Variants in PALB2 observed in about 807,000 individuals in gnomAD.
The protein encoded by PALB2 is partner and localizer of BRCA2, also known as mutant partner and localizer of BRCA2.
PALB2 carries 82 observed loss-of-function variants against 107.4 expected under a neutral mutation model. The ratio of observed to expected loss-of-function variants is 0.76; its 90% CI spans 0.64 to 0.92. The LOEUF (loss-of-function observed/expected upper bound fraction) is 0.92, where lower values mean the gene tolerates loss of function less well. Among genes scored for constraint, PALB2 ranks in the 40% least tolerant of loss-of-function variants. The probability of loss-of-function intolerance (pLI) is 0.00; values close to 1 mark genes in which losing one functional copy is unlikely to be tolerated. For missense variants in PALB2, 1,374 were observed against 1,379.9 expected (o/e 1.00, Z 0.07); for synonymous variants, 489 against 496.8 (o/e 0.98, Z 0.21).
intron 12 of PALB2, among the ~76,000 whole-genome samples, chr16:23,605,194 C>T (rs1246112695): frequency 1.3e-5 from 2 of 152,148 alleles, no homozygotes; most frequent in Non-Finnish European, 2.9e-5. Context: ...CTGGTTCCCA[C>T]CCAACTTTGC....
intron 6 of PALB2, among the ~76,000 whole-genome samples, chr16:23,628,268 A>G (rs1364752433): frequency 6.6e-6 from 1 of 152,200 alleles, no homozygotes; most frequent in Non-Finnish European, 1.5e-5. Flanking sequence ...ACTCAAGAAT[A>G]AATTCCGAAA....
At chr16:23,638,534 C>T (rs1234316102) in intron 1 of PALB2, 12 of 461,642 alleles carry the variant, frequency 2.6e-5, no homozygotes, top group South Asian at 1.7e-4. Context: ...CTGCCATCCT[C>T]AGTCACTCAA....
intron 4 of PALB2, among the ~76,000 whole-genome samples, chr16:23,633,571 C>T (rs1287141747): frequency 6.6e-5 from 10 of 152,314 alleles, no homozygotes; most frequent in Admixed American, 2.0e-4. Context: ...TACAATGTAT[C>T]GTTGCTGCCC....
chr16:23,615,431 A>C (rs975735429), intron 10 of PALB2, among the ~76,000 whole-genome samples: 1 of 151,984 alleles, frequency 6.6e-6, no homozygotes, highest in African/African-American at 2.4e-5. Context: ...CACTGCCCCA[A>C]GTAGTTGGGA....
At position 23,635,838 on chromosome 16, in the gene PALB2, G is replaced by C. The variant is rs2142436719; in HGVS notation, c.708C>G (p.Phe236Leu). Residue 236 changes from phenylalanine to leucine, a missense_variant, in exon 4 of 13, where the codon TTC (phenylalanine) becomes TTG (leucine). By Grantham distance (22) the Phe-to-Leu change is conservative. Transcript: ENST00000261584. ...CCCTGGTGAAATTAGGTCTTCTTAGGAATGTATCAACACCTTTTTCTGGTT... is the reference window on the plus strand; with the variant it reads ...CCCTGGTGAAATTAGGTCTTCTTAGCAATGTATCAACACCTTTTTCTGGTT... ...TAQPEKGVDT[F>L]LRRPNFTRAT... 1.2e-6 allele frequency: 2 copies of C among 1,614,110 alleles called. No individual in the cohort carries two copies. The highest frequency in any genetic ancestry group is 1.7e-6 in the Non-Finnish European group (2 of 1,180,020).
At chr16:23,605,420 T>C (rs886822016) in intron 12 of PALB2, among the ~76,000 whole-genome samples, 14 of 152,150 alleles carry the variant, frequency 9.2e-5, no homozygotes, top group Non-Finnish European at 1.9e-4. Context: ...TTTGTTTGTT[T>C]GTTTTTGAGA....
At chr16:23,640,817 A>G (rs1967213540) in intron 1 of PALB2, 2 of 358,350 alleles carry the variant, frequency 5.6e-6, no homozygotes, top group Non-Finnish European at 1.0e-5. Flanking sequence ...GGAGAAGTAA[A>G]GATTGAGGGT....
chr16:23,628,917 A>G (rs1474726746), intron 6 of PALB2, among the ~76,000 whole-genome samples: 1 of 152,156 alleles, frequency 6.6e-6, no homozygotes, highest in Non-Finnish European at 1.5e-5. Context: ...TATAGGGGTG[A>G]GCCACCGTGC....
rs60253267 is a variant in PALB2 at position 23,636,517 on chromosome 16, A to C, written c.212-183T>G. 0.033 allele frequency among the ~76,000 whole-genome samples: 5,055 copies of C among 152,236 alleles called. 119 individuals carry two copies. The highest frequency in any genetic ancestry group is 0.088 in the Middle Eastern group (26 of 294). On this transcript the variant is annotated intron_variant, in intron 3 of 12. Transcript: ENST00000261584. The stretch of plus-strand genomic sequence containing the variant: ...ACCTATTTTTTAGGCTGTGAGTAGT[A>C]AGGTCACTGTTACCTTTAGGAGGAA...
chr16:23,621,267 A>C, intron 10 of PALB2, 95 bp downstream of exon 10: 1 of 856,548 alleles, frequency 1.2e-6, no homozygotes, highest in Non-Finnish European at 2.0e-6. Flanking sequence ...GTTTACACAT[A>C]CTCTCTTATT....
chr16:23,631,743 C>A (rs1484384125), intron 4 of PALB2, among the ~76,000 whole-genome samples: 1 of 152,180 alleles, frequency 6.6e-6, no homozygotes, highest in African/African-American at 2.4e-5. Flanking sequence ...ACCTCTAAAA[C>A]TGTGATTTCA....
intron 12 of PALB2, among the ~76,000 whole-genome samples, chr16:23,606,657 C>T (rs138124514): frequency 2.8e-4 from 43 of 151,536 alleles, no homozygotes; most frequent in Non-Finnish European, 3.1e-4. Flanking sequence ...TCCTGAGTAG[C>T]TGGGATTACA....
At chr16:23,630,562 A>T in intron 4 of PALB2, 93 bp from the exon 5 acceptor site, 1 of 1,023,256 alleles carries the variant, frequency 9.8e-7, no homozygotes, top group South Asian at 1.5e-5. Context: ...GATCTCCTAG[A>T]TTTAAAAGAA....
intron 5 of PALB2, 36 bp downstream of exon 5, chr16:23,629,604 C>T: frequency 6.3e-7 from 1 of 1,597,110 alleles, no homozygotes; most frequent in East Asian, 2.2e-5. Flanking sequence ...CATTTCATTC[C>T]TTCAGAGAAA....
At position 23,636,087 on chromosome 16, in the gene PALB2, C is replaced by T. The variant is rs876658633; in HGVS notation, c.459G>A (p.Arg153=). 1.9e-6 allele frequency: 3 copies of T among 1,613,944 alleles called. No individual in the cohort carries two copies. In the East Asian group the frequency reaches 6.7e-5, roughly 36 times the overall value. Residue 153 remains arginine, a synonymous_variant, in exon 4 of 13, where the codon AGG becomes AGA. Coordinates refer to ENST00000261584, the MANE Select transcript of PALB2 (RefSeq NM_024675.4). Reference sequence around the variant, plus strand: ...AGTCTCTCTCCTGTGAAATAAATGTCCTCTTCTGCTGCTTCTTTCTTCTGC... The same window carrying T: ...AGTCTCTCTCCTGTGAAATAAATGTTCTCTTCTGCTGCTTCTTTCTTCTGC... ...LPSRRKKQQK[R]TFISQERDCV...
At chr16:23,625,330 C>T (rs958498876) in intron 7 of PALB2, among the ~76,000 whole-genome samples, 2 of 151,844 alleles carry the variant, frequency 1.3e-5, no homozygotes, top group Non-Finnish European at 1.5e-5. Context: ...ATGACTCTCT[C>T]TCCAAAAACA....
intron 11 of PALB2, among the ~76,000 whole-genome samples, chr16:23,608,801 T>TATATATACACACACACAC (rs560756242): frequency 0.028 from 3,966 of 143,670 alleles, 85 homozygotes; most frequent in Admixed American, 0.06. Context: ...TGTATATATA[T>TATATATACACACACACAC]ACACACACAC....
rs786202711 is a variant in PALB2, at chr16:23,635,041, T to C, written c.1505A>G (p.Lys502Arg). The change falls in exon 4 of 13, where the codon AAG becomes AGG. Residue 502 changes from lysine to arginine, a missense_variant. By Grantham distance (26) the Lys-to-Arg change is conservative. Transcript: ENST00000261584. ...TCTACCAGGTGCTTGGGCAACTGCC[T>C]TCCTAGACAAGTCATTATCTTCAGT... Reference protein sequence around the residue: ...GPTEDNDLSRKAVAQAPGRRY... With the variant: ...GPTEDNDLSRRAVAQAPGRRY... 6.2e-7 allele frequency: 1 copy of C among 1,614,198 alleles called. No homozygotes were observed.
At chr16:23,630,948 CAATA>C (rs757329922) in intron 4 of PALB2, among the ~76,000 whole-genome samples, 1 of 150,230 alleles carries the variant, frequency 6.7e-6, no homozygotes, top group Non-Finnish European at 1.5e-5. Context: ...TCTTTAAAAA[CAATA>C]AATAAATAAA....
Sources: gnomAD v4.1 joint callset for allele counts (sites outside exome capture counted in the v4.1 genomes callset) on GRCh38, gnomAD v4.1.1 for gene constraint, MANE v1.5 for transcripts, NCBI Gene and HGNC (gene_info 2026-07-23, HGNC 2026-07-21) for gene names.